The following AUTS2 variants were observed in gnomAD, a reference collection of about 807,000 sequenced individuals.
AUTS2 encodes autism susceptibility gene 2 protein.
A neutral mutation model predicts 112.4 loss-of-function variants in AUTS2; 17 were observed. That is an observed-to-expected ratio of 0.15 (90% CI 0.10 to 0.23). The LOEUF is 0.23. Ranked by LOEUF, AUTS2 falls within the 10% of genes least tolerant of loss-of-function variation. The pLI is 1.00. For synonymous variants in AUTS2, 751 were observed against 702.7 expected (o/e 1.07, Z -1.09); for missense variants, 1,510 against 1,701.6 (o/e 0.89, Z 1.98).
At chr7:70,031,949 G>C (rs544631069) in intron 2 of AUTS2, among the ~76,000 whole-genome samples, 1 of 152,200 alleles carries the variant, frequency 6.6e-6, no homozygotes, top group Admixed American at 6.5e-5. Flanking sequence ...ACTGTAGAAT[G>C]AAAGCTGCTA....
chr7:70,141,088 G>T (rs1806836920), intron 4 of AUTS2, among the ~76,000 whole-genome samples: 1 of 152,166 alleles, frequency 6.6e-6, no homozygotes, highest in Non-Finnish European at 1.5e-5. Flanking sequence ...AGAGCTTGAT[G>T]GATGTTTAGA....
At chr7:70,072,897 TAG>T (rs1315055162) in intron 2 of AUTS2, among the ~76,000 whole-genome samples, 3 of 152,196 alleles carry the variant, frequency 2.0e-5, no homozygotes, top group Non-Finnish European at 2.9e-5. Context: ...ATTTAAATGT[TAG>T]AGTTTCATTC....
intron 4 of AUTS2, among the ~76,000 whole-genome samples, chr7:70,351,356 T>C (rs1460873561): frequency 6.6e-6 from 1 of 152,138 alleles, no homozygotes; most frequent in African/African-American, 2.4e-5. Context: ...GCCCAGCCGA[T>C]TTCCTTCTTT....
At position 69,606,701 on chromosome 7, in the gene AUTS2, G is replaced by T. The variant is rs1041559113; in HGVS notation, c.309+6739G>T. ...TTTAGAAAGTTCTGAAAAGATTCAG[G>T]TAGATTTGAAAACTTAGATCATTGA... is the stretch of plus-strand genomic sequence containing the variant. On this transcript the variant is annotated intron_variant, in intron 1 of 18. Transcript: ENST00000342771. Among the ~76,000 whole-genome samples the T allele has an allele frequency of 4.6e-5, 7 of 152,178 alleles. No individual in the cohort carries two copies. In the East Asian group the frequency reaches 1.3e-3, roughly 29 times the overall value.
chr7:70,466,304 G>A (rs907079972), intron 5 of AUTS2, among the ~76,000 whole-genome samples: 1 of 152,202 alleles, frequency 6.6e-6, no homozygotes, highest in Non-Finnish European at 1.5e-5. Flanking sequence ...TAATAATTAT[G>A]TAGTGATTAT....
intron 2 of AUTS2, among the ~76,000 whole-genome samples, chr7:70,111,056 T>C (rs908540427): frequency 2.6e-5 from 4 of 151,592 alleles, no homozygotes; most frequent in African/African-American, 9.7e-5. Context: ...TTTTTTTGTA[T>C]TTTTAGTAGA....
At chr7:70,593,642 A>C (rs1046591237) in intron 5 of AUTS2, among the ~76,000 whole-genome samples, 1 of 152,228 alleles carries the variant, frequency 6.6e-6, no homozygotes, top group Non-Finnish European at 1.5e-5. Context: ...AGCCCTATAT[A>C]TTTATAGTGC....
At chr7:69,980,090 A>G (rs1259901565) in intron 2 of AUTS2, among the ~76,000 whole-genome samples, 2 of 151,596 alleles carry the variant, frequency 1.3e-5, no homozygotes. Flanking sequence ...CTCATCTACC[A>G]TTTTTTGTTT....
chr7:70,733,444 T>C (rs993426831), intron 6 of AUTS2, among the ~76,000 whole-genome samples: 3 of 152,328 alleles, frequency 2.0e-5, no homozygotes, highest in Middle Eastern at 3.4e-3. Flanking sequence ...AACAATTTTG[T>C]ATGAAAAATT....
At chr7:70,305,864 AC>A (rs1467462964) in intron 4 of AUTS2, among the ~76,000 whole-genome samples, 3 of 152,212 alleles carry the variant, frequency 2.0e-5, no homozygotes, top group African/African-American at 7.2e-5. Context: ...AGATTTGAGG[AC>A]ATTTCCAATA....
At chr7:70,162,175 G>A (rs62458804) in intron 4 of AUTS2, among the ~76,000 whole-genome samples, 21,977 of 151,886 alleles carry the variant, frequency 0.14, 2,205 homozygotes, top group Non-Finnish European at 0.21. Context: ...GGCCGGGCGC[G>A]GTGGCTCACG....
At chr7:70,722,724 C>T (rs1329426792) in intron 6 of AUTS2, among the ~76,000 whole-genome samples, 1 of 152,188 alleles carries the variant, frequency 6.6e-6, no homozygotes, top group Non-Finnish European at 1.5e-5. Context: ...CACAATGATT[C>T]TTAAGAATTT....
intron 4 of AUTS2, among the ~76,000 whole-genome samples, chr7:70,350,372 A>C (rs1585045566): frequency 6.6e-6 from 1 of 152,240 alleles, no homozygotes; most frequent in Admixed American, 6.5e-5. Context: ...TAATAAACAA[A>C]TACCTGAGAC....
At chr7:69,697,897 A>G (rs546560241) in intron 1 of AUTS2, among the ~76,000 whole-genome samples, 77 of 152,262 alleles carry the variant, frequency 5.1e-4, no homozygotes, top group African/African-American at 1.7e-3. Flanking sequence ...CTTTTCCTTC[A>G]CTTCTTCAAG....
intron 5 of AUTS2, among the ~76,000 whole-genome samples, chr7:70,639,360 C>G (rs1433983777): frequency 6.6e-6 from 1 of 151,924 alleles, no homozygotes; most frequent in Non-Finnish European, 1.5e-5. Context: ...AAACCTTTCC[C>G]CCTCTCCTCT....
chr7:70,655,288 T>A (rs1186373846), intron 5 of AUTS2, among the ~76,000 whole-genome samples: 1 of 152,202 alleles, frequency 6.6e-6, no homozygotes, highest in African/African-American at 2.4e-5. Flanking sequence ...GAAGAGTGTT[T>A]CCCTGTTTTA....
chr7:70,216,905 T>G (rs966633067), intron 4 of AUTS2, among the ~76,000 whole-genome samples: 6 of 152,212 alleles, frequency 3.9e-5, no homozygotes, highest in Non-Finnish European at 7.3e-5. Flanking sequence ...TTTCCTCATC[T>G]TTATTTATTA....
intron 1 of AUTS2, among the ~76,000 whole-genome samples, chr7:69,666,499 A>G (rs942682844): frequency 6.6e-6 from 1 of 152,230 alleles, no homozygotes; most frequent in Non-Finnish European, 1.5e-5. Flanking sequence ...AAACAAACAG[A>G]AAACCTACTT....
chr7:70,569,373 C>A (rs1032269789), intron 5 of AUTS2, among the ~76,000 whole-genome samples: 4 of 152,174 alleles, frequency 2.6e-5, no homozygotes, highest in Non-Finnish European at 5.9e-5. Flanking sequence ...TAAATTCTTG[C>A]CCATAAAGCC....
Sources: gnomAD v4.1 joint callset for allele counts (sites outside exome capture counted in the v4.1 genomes callset) on GRCh38, gnomAD v4.1.1 for gene constraint, MANE v1.5 for transcripts, NCBI Gene and HGNC (gene_info 2026-07-23, HGNC 2026-07-21) for gene names.